Variants in CCDC73 observed in about 807,000 individuals in gnomAD.
CCDC73 encodes coiled-coil domain-containing protein 73.
Under a neutral mutation model 116.5 loss-of-function variants are expected in CCDC73, and 95 were observed. The observed-to-expected ratio is 0.82, with a 90% CI of 0.69 to 0.97. The LOEUF (loss-of-function observed/expected upper bound fraction) is 0.97. CCDC73 is among the 50% of genes least tolerant of loss of function. CCDC73 has a pLI of 0.00. For missense variants in CCDC73, 1,066 were observed against 1,206.8 expected, an observed-to-expected ratio of 0.88 and a Z score of 1.73; for synonymous variants, 398 against 401.3, an observed-to-expected ratio of 0.99 and a Z score of 0.10.
At chr11:32,751,048 A>G (rs1414567154) in intron 2 of CCDC73, among the ~76,000 whole-genome samples, 1 of 152,086 alleles carries the variant, frequency 6.6e-6, no homozygotes, top group Non-Finnish European at 1.5e-5. Context: ...CCAGAACTGA[A>G]TCCTTCCCTT....
At chr11:32,723,423 C>A (rs931206879) in intron 2 of CCDC73, among the ~76,000 whole-genome samples, 1 of 152,142 alleles carries the variant, frequency 6.6e-6, no homozygotes, top group Non-Finnish European at 1.5e-5. Context: ...GACCAAGAAA[C>A]TATCTGGAAG....
chr11:32,706,777 C>T (rs1289551658), intron 3 of CCDC73, among the ~76,000 whole-genome samples: 1 of 152,148 alleles, frequency 6.6e-6, no homozygotes, highest in Non-Finnish European at 1.5e-5. Context: ...CTGCCAACCT[C>T]GGTTCCCCAA....
chr11:32,779,811 G>A (rs1453226839), intron 1 of CCDC73, among the ~76,000 whole-genome samples: 1 of 152,178 alleles, frequency 6.6e-6, no homozygotes, highest in Non-Finnish European at 1.5e-5. Flanking sequence ...GAAATGTGAG[G>A]TACTGTTATC....
At chr11:32,717,207 G>T (rs998991272) in intron 3 of CCDC73, among the ~76,000 whole-genome samples, 1 of 152,144 alleles carries the variant, frequency 6.6e-6, no homozygotes, top group Non-Finnish European at 1.5e-5. Context: ...CAAACAATGA[G>T]AACAGAAATC....
the CCDC73 span, among the ~76,000 whole-genome samples, chr11:32,826,761 A>G: frequency 6.6e-6 from 1 of 152,124 alleles, no homozygotes; most frequent in Non-Finnish European, 1.5e-5. Flanking sequence ...GAGAATTATA[A>G]TATCTAGCCC....
chr11:32,652,642 C>T (rs572128763), intron 12 of CCDC73, among the ~76,000 whole-genome samples: 2 of 152,266 alleles, frequency 1.3e-5, no homozygotes, highest in African/African-American at 2.4e-5. Context: ...CTTCTCCTTC[C>T]CAGTCATTTC....
chr11:32,683,309 A>G, intron 7 of CCDC73: 1 of 454,510 alleles, frequency 2.2e-6, no homozygotes, highest in South Asian at 2.3e-5. Flanking sequence ...CAGATTTGGG[A>G]TGCTCAACCT....
intron 12 of CCDC73, among the ~76,000 whole-genome samples, chr11:32,647,404 C>G (rs1174087154): frequency 2.0e-5 from 3 of 152,178 alleles, no homozygotes; most frequent in Non-Finnish European, 4.4e-5. Context: ...CCGTGACGCA[C>G]ACACCTCCCA....
At chr11:32,630,166 G>A (rs897613314) in intron 14 of CCDC73, among the ~76,000 whole-genome samples, 13 of 152,116 alleles carry the variant, frequency 8.5e-5, no homozygotes, top group African/African-American at 2.9e-4. Flanking sequence ...CAACACAAAG[G>A]ACAGGAAGGA....
intron 12 of CCDC73, among the ~76,000 whole-genome samples, chr11:32,648,146 T>C (rs1348001641): frequency 6.6e-6 from 1 of 152,260 alleles, no homozygotes; most frequent in South Asian, 2.1e-4. Context: ...ATTTAGTTTC[T>C]GCCTTCAGCT....
chr11:32,830,141 G>C, the CCDC73 span: 1 of 1,005,078 alleles, frequency 9.9e-7, no homozygotes, highest in Non-Finnish European at 1.2e-6. Context: ...CCTCTGGCCC[G>C]GGGGCTGCTG....
intron 5 of CCDC73, among the ~76,000 whole-genome samples, chr11:32,699,699 G>A (rs914037678): frequency 6.6e-6 from 1 of 152,074 alleles, no homozygotes; most frequent in Non-Finnish European, 1.5e-5. Flanking sequence ...CTTGGACACA[G>A]AAGGGGAACA....
At chr11:32,769,529 C>T (rs999582480) in intron 1 of CCDC73, among the ~76,000 whole-genome samples, 6 of 152,170 alleles carry the variant, frequency 3.9e-5, no homozygotes, top group Non-Finnish European at 4.4e-5. Context: ...AGTAACACTG[C>T]TCCTGTCACA....
chr11:32,794,344 C>T (rs1315356537), intron 1 of CCDC73: 1 of 152,330 alleles, frequency 6.6e-6, no homozygotes, highest in Non-Finnish European at 1.5e-5. Context: ...ACCCTCATGA[C>T]TCACCCGCAG....
chr11:32,828,326 T>C, the CCDC73 span, among the ~76,000 whole-genome samples: 2 of 151,730 alleles, frequency 1.3e-5, no homozygotes, highest in Non-Finnish European at 2.9e-5. Flanking sequence ...CTGGCCAACA[T>C]GGTGAAAACC....
At chr11:32,818,379 T>C in the CCDC73 span, among the ~76,000 whole-genome samples, 2 of 152,256 alleles carry the variant, frequency 1.3e-5, no homozygotes, top group African/African-American at 4.8e-5. Flanking sequence ...AGTGCCCTCA[T>C]CTGTAAAATG....
chr11:32,793,098 G>T (rs974888316), intron 1 of CCDC73, among the ~76,000 whole-genome samples: 2 of 152,156 alleles, frequency 1.3e-5, no homozygotes, highest in African/African-American at 4.8e-5. Flanking sequence ...TCTGTCATTC[G>T]CTTCCTTCCT....
intron 2 of CCDC73, among the ~76,000 whole-genome samples, chr11:32,740,121 T>C (rs1850170530): frequency 6.7e-6 from 1 of 149,716 alleles, no homozygotes; most frequent in Admixed American, 6.7e-5. Context: ...TCATCAGAGA[T>C]ATTAGCCTGT....
rs1290085765 is a variant in CCDC73 at position 32,683,559 on chromosome 11, A to AATT, written c.405_406insAAT (p.Ser135_Leu136insAsn). ...ACCATTTCACTCACTTTCTTCTGTA[A>AATT]AGAGTATTTAGAAACCTTGAAAAAT... On this transcript the variant is annotated inframe_insertion, in exon 7 of 18. Coordinates refer to ENST00000335185, the MANE Select transcript of CCDC73 (RefSeq NM_001008391.4). The AATT allele has an allele frequency of 6.6e-7, 1 of 1,517,672 alleles. No individual in the cohort carries two copies. Among genetic ancestry groups the AATT allele is most frequent in the Non-Finnish European group, 9.1e-7 (1 of 1,097,494 alleles). The allele number at this position is 1,517,672 out of a possible 1,614,324, so 94.0% of individuals were successfully genotyped here.
Sources: allele counts gnomAD v4.1 joint callset (sites outside exome capture counted in the v4.1 genomes callset), GRCh38; gene constraint gnomAD v4.1.1; transcripts MANE v1.5; gene names NCBI Gene and HGNC (gene_info 2026-07-23, HGNC 2026-07-21).